The following MSN variants were observed in gnomAD, a reference collection of about 807,000 sequenced individuals.
The protein encoded by MSN is moesin.
In MSN, 2 loss-of-function variants were observed where a neutral mutation model predicts 48.0. The observed-to-expected ratio is 0.04, with a 90% CI of 0.02 to 0.13. The LOEUF (loss-of-function observed/expected upper bound fraction) is 0.13, where lower values mean the gene tolerates loss of function less well. Among genes scored for constraint, MSN ranks in the 10% least tolerant of loss-of-function variants. The probability of loss-of-function intolerance (pLI) is 1.00; values close to 1 mark genes in which losing one functional copy is unlikely to be tolerated. For synonymous variants in MSN, 146 were observed against 166.9 expected (o/e 0.87, Z 0.97); for missense variants, 267 against 470.1 (o/e 0.57, Z 3.99).
At chrX:65,644,904 AC>A (rs2070683772) in intron 1 of MSN, among the ~76,000 whole-genome samples, 1 of 112,647 alleles carries the variant, frequency 8.9e-6, no homozygotes, top group Admixed American at 9.4e-5. Flanking sequence ...GTGTCAGAAC[AC>A]CATGAAGGGA....
rs752844911 is a variant in MSN at position 65,695,081 on chromosome X, CGTGT to C, written c.13-21711_13-21708del. Among the ~76,000 whole-genome samples, 595 of 99,874 alleles carry C rather than the reference CGTGT, an allele frequency of 6.0e-3. 3 individuals are homozygous for C. The highest frequency in any genetic ancestry group is 0.019 in the African/African-American group (507 of 27,324). The allele number at this position is 99,874 out of a possible 115,157, so 86.7% of individuals were successfully genotyped here. A position where few individuals can be genotyped will look rare whatever the true frequency, so the allele number is the denominator to read the frequency against. ...TCTTCTTTGTGTGTGTGTGTGTCTG[CGTGT>C]GTGTGTGTGTGTGTGTGTGTGTGTG... On this transcript the variant is annotated intron_variant, in intron 1 of 12. Coordinates refer to ENST00000360270, the MANE Select transcript of MSN (RefSeq NM_002444.3).
At chrX:65,670,947 TA>T (rs2070934020) in intron 1 of MSN, among the ~76,000 whole-genome samples, 2 of 56,772 alleles carry the variant, frequency 3.5e-5, no homozygotes, top group Admixed American at 2.1e-4. Flanking sequence ...TATATATATA[TA>T]TATATATTTA....
intron 2 of MSN, among the ~76,000 whole-genome samples, chrX:65,723,594 T>C (rs1261231185): frequency 8.9e-6 from 1 of 112,056 alleles, no homozygotes; most frequent in Non-Finnish European, 1.9e-5. Context: ...AGGTTATTCC[T>C]GGAACTGGAA....
At chrX:65,711,262 T>C (rs2071412528) in intron 1 of MSN, among the ~76,000 whole-genome samples, 1 of 111,730 alleles carries the variant, frequency 9.0e-6, no homozygotes, top group African/African-American at 3.3e-5. Context: ...GGTTTCACCA[T>C]GTTGGTCAGC....
At chrX:65,592,985 G>A (rs746962732) in intron 1 of MSN, among the ~76,000 whole-genome samples, 1 of 111,663 alleles carries the variant, frequency 9.0e-6, no homozygotes, top group Admixed American at 9.5e-5. Flanking sequence ...AGGTTGCAAT[G>A]AGCCTAGATC....
intron 1 of MSN, among the ~76,000 whole-genome samples, chrX:65,622,514 T>G (rs867503729): frequency 3.1e-5 from 3 of 97,279 alleles, no homozygotes; most frequent in Non-Finnish European, 6.2e-5. Flanking sequence ...ATCTTTGTTT[T>G]TTTTTTTTTT....
chrX:65,648,696 C>G (rs1404380662), intron 1 of MSN, among the ~76,000 whole-genome samples: 1 of 110,047 alleles, frequency 9.1e-6, no homozygotes, highest in Non-Finnish European at 1.9e-5. Flanking sequence ...CACGGTGAAA[C>G]CCCGTCTCTA....
chrX:65,734,652 T>C (rs1435577922), intron 7 of MSN, among the ~76,000 whole-genome samples: 1 of 112,110 alleles, frequency 8.9e-6, no homozygotes, highest in Non-Finnish European at 1.9e-5. Flanking sequence ...GCTCAACTAT[T>C]ATCAGAAAAA....
At chrX:65,730,981 T>C (rs1361851475) in intron 4 of MSN, 126 bp from the exon 5 acceptor site, 2 of 472,524 alleles carry the variant, frequency 4.2e-6, no homozygotes, top group South Asian at 4.3e-5. Flanking sequence ...CTGCTTCCAG[T>C]GTGACCTCAA....
At chrX:65,737,130 C>T (rs2071685636) in intron 9 of MSN, 48 bp from the exon 10 acceptor site, 1 of 1,175,371 alleles carries the variant, frequency 8.5e-7, no homozygotes, top group Non-Finnish European at 1.1e-6. Flanking sequence ...ATTGTGTCGT[C>T]TTTATCTCTG....
At chrX:65,613,649 T>A (rs2148355803) in intron 1 of MSN, among the ~76,000 whole-genome samples, 1 of 112,733 alleles carries the variant, frequency 8.9e-6, no homozygotes, top group Non-Finnish European at 1.9e-5. Flanking sequence ...TTCATAAGTT[T>A]GTTGACAGCA....
intron 1 of MSN, among the ~76,000 whole-genome samples, chrX:65,689,324 G>A (rs920185789): frequency 8.9e-6 from 1 of 111,802 alleles, no homozygotes; most frequent in African/African-American, 3.3e-5. Flanking sequence ...GTTTTGTTCT[G>A]TGCGGAACTG....
At chrX:65,689,120 C>G (rs1399331071) in intron 1 of MSN, among the ~76,000 whole-genome samples, 1 of 111,583 alleles carries the variant, frequency 9.0e-6, no homozygotes, top group African/African-American at 3.3e-5. Flanking sequence ...GTTAGCTTTC[C>G]AGAGCAATCT....
chrX:65,637,420 A>G lies in MSN; in HGVS notation c.-22+48808A>G, dbSNP rs747990399. The stretch of plus-strand genomic sequence containing the variant: ...TCCATCTTAAGAAAAAAAAAAAAAA[A>G]GAAAAGAAAGAAAAGAAAAGTAAAA... On this transcript the variant is annotated intron_variant, in intron 1 of 3. Coordinates refer to the MSN transcript ENST00000609672. Among the ~76,000 whole-genome samples the G allele has an allele frequency of 2.7e-3, 299 of 109,215 alleles. 1 individual carries two copies. Among genetic ancestry groups the G allele is most frequent in the African/African-American group, 9.6e-3 (288 of 30,045 alleles). 94.8% of individuals were successfully genotyped at this position (109,215 alleles called of 115,157 possible).
exon 1 of MSN, chrX:65,588,526 C>T (rs2070116209): frequency 1.2e-6 from 1 of 800,005 alleles, no homozygotes; most frequent in Non-Finnish European, 1.5e-6. Context: ...GCTGGCCACA[C>T]CACCCATCAG....
chrX:65,728,450 C>T (rs926997606), intron 3 of MSN, among the ~76,000 whole-genome samples: 1 of 110,541 alleles, frequency 9.0e-6, no homozygotes, highest in African/African-American at 3.3e-5. Context: ...CCTGCCACCA[C>T]GCCCGGCTAA....
At chrX:65,712,291 C>T (rs2071422307) in intron 1 of MSN, among the ~76,000 whole-genome samples, 1 of 111,217 alleles carries the variant, frequency 9.0e-6, no homozygotes, top group African/African-American at 3.3e-5. Context: ...TCCTTGGCTC[C>T]CTAGCGAGAT....
upstream of MSN, among the ~76,000 whole-genome samples, chrX:65,663,827 G>A (rs1415866219): frequency 1.8e-5 from 2 of 110,492 alleles, no homozygotes; most frequent in African/African-American, 3.3e-5. Flanking sequence ...GGGAGGCCGA[G>A]GTGGGCTGAT....
At position 65,738,557 on chromosome X, in the gene MSN, C is replaced by A. The variant is rs1423899404; in HGVS notation, c.1284C>A (p.Ile428=). 4.8e-5 allele frequency: 58 copies of A among 1,209,223 alleles called. No individual in the cohort carries two copies. Among genetic ancestry groups the A allele is most frequent in the Non-Finnish European group, 6.3e-5 (56 of 894,260 alleles). Residue 428 remains isoleucine (I), a synonymous_variant, in exon 11 of 13, where the codon ATC becomes ATA. Coordinates refer to ENST00000360270, the MANE Select transcript of MSN (RefSeq NM_002444.3). ...ALEMAELTAR[I]SQLEMARQKK... is the part of the protein sequence containing the mutation. ...AAATGGCAGAGCTGACAGCTCGAAT[C>A]TCCCAGCTGGAGATGGCCCGACAGA...
Sources: allele counts gnomAD v4.1 joint callset (sites outside exome capture counted in the v4.1 genomes callset), GRCh38; gene constraint gnomAD v4.1.1; transcripts MANE v1.5; gene names NCBI Gene and HGNC (gene_info 2026-07-23, HGNC 2026-07-21).